AP1S3: variants seen among roughly 807,000 people sequenced by gnomAD.
The protein encoded by AP1S3 is adaptor related protein complex 1 subunit sigma 3.
AP1S3 carries 10 observed loss-of-function variants against 20.9 expected under a neutral mutation model. That is an observed-to-expected ratio of 0.48 (90% CI 0.29 to 0.81). The LOEUF is 0.81. AP1S3 is among the 30% of genes least tolerant of loss of function. AP1S3 has a pLI of 0.08. For missense variants in AP1S3, 154 were observed against 183.8 expected (o/e 0.84, Z 0.94); for synonymous variants, 41 against 61.5 (o/e 0.67, Z 1.56).
At chr2:223,830,224 A>C (rs941120375) in intron 1 of AP1S3, among the ~76,000 whole-genome samples, 18 of 151,912 alleles carry the variant, frequency 1.2e-4, no homozygotes, top group Non-Finnish European at 2.5e-4. Context: ...CACACCTATA[A>C]TCCTAGCACT....
intron 1 of AP1S3, among the ~76,000 whole-genome samples, chr2:223,821,234 C>A (rs1224487187): frequency 6.6e-6 from 1 of 152,220 alleles, no homozygotes; most frequent in Non-Finnish European, 1.5e-5. Context: ...CAGCTCACTG[C>A]AACCTCCACC....
chr2:223,779,955 G>A (rs972838324), intron 1 of AP1S3, among the ~76,000 whole-genome samples: 5 of 151,838 alleles, frequency 3.3e-5, no homozygotes, highest in Admixed American at 6.6e-5. Context: ...CAACAAGAGC[G>A]AAACTCCGTC....
intron 1 of AP1S3, among the ~76,000 whole-genome samples, chr2:223,781,857 G>C (rs951486589): frequency 2.0e-5 from 3 of 151,984 alleles, no homozygotes; most frequent in African/African-American, 7.2e-5. Context: ...TGCATTTCCT[G>C]CTAGAAATTT....
intron 3 of AP1S3, among the ~76,000 whole-genome samples, chr2:223,769,918 G>A (rs1038358254): frequency 7.9e-5 from 12 of 151,642 alleles, no homozygotes; most frequent in African/African-American, 2.9e-4. Flanking sequence ...CTAATTTTTT[G>A]TATTTTTAGT....
rs546123940 is a variant in AP1S3, at chr2:223,771,094, G to A, written c.291+4807C>T. ...TTATGCCTGTAATCCCAGCACTTTG[G>A]GGGGGCTGAGGCGGGCTGATCATTT... On this transcript the variant is annotated intron_variant, in intron 3 of 4. Transcript: ENST00000396654. Among the ~76,000 whole-genome samples the A allele has an allele frequency of 1.1e-4, 17 of 151,964 alleles. No individual in the cohort carries two copies. The South Asian group carries it at 1.7e-3, about 15-fold the overall frequency.
At chr2:223,832,694 C>G (rs1449126905) in intron 1 of AP1S3, among the ~76,000 whole-genome samples, 1 of 152,058 alleles carries the variant, frequency 6.6e-6, no homozygotes, top group Non-Finnish European at 1.5e-5. Context: ...AAAATTGATA[C>G]AGAAGGGGAA....
intron 1 of AP1S3, among the ~76,000 whole-genome samples, chr2:223,833,710 G>A (rs758664724): frequency 1.3e-5 from 2 of 152,164 alleles, no homozygotes; most frequent in Admixed American, 6.5e-5. Flanking sequence ...GGGCACTAGC[G>A]AGGGCCGCCA....
chr2:223,755,772 C>G lies in AP1S3; in HGVS notation c.*2943G>C, dbSNP rs1191827433. ...TCTCGAACTCCTGACCTCAGGTGAT[C>G]TGCCGCCTTGACCTCCCAAAGTGCT... is the stretch of plus-strand genomic sequence containing the variant. On this transcript the variant is annotated 3_prime_UTR_variant, in exon 5 of 5. Coordinates refer to ENST00000396654, the MANE Select transcript of AP1S3 (RefSeq NM_001039569.2). The G allele has an allele frequency of 2.6e-5, 24 of 910,526 alleles. No homozygotes were observed. In the Admixed American group the frequency reaches 1.5e-3, roughly 56 times the overall value. 56.4% of individuals were successfully genotyped at this position (910,526 alleles called of 1,614,324 possible). A position where few individuals can be genotyped will look rare whatever the true frequency, so the allele number is the denominator to read the frequency against.
chr2:223,832,001 C>T (rs1456391948), intron 1 of AP1S3, among the ~76,000 whole-genome samples: 2 of 151,440 alleles, frequency 1.3e-5, no homozygotes, highest in African/African-American at 4.9e-5. Context: ...GGCGTGAACC[C>T]GGGAGGCAGC....
In AP1S3 at chr2:223,758,516, A is replaced by T; in HGVS notation, c.*199T>A. On this transcript the variant is annotated 3_prime_UTR_variant, in exon 5 of 5. Transcript: ENST00000396654. ...CAAGTACCTATACAGTATAACACAG[A>T]CACATAATTTTTTTTAATAATACAG... 7.7e-7 allele frequency: 1 copy of T among 1,292,684 alleles called. No individual in the cohort carries two copies. Among genetic ancestry groups the T allele is most frequent in the South Asian group, 2.8e-5 (1 of 35,380 alleles). 80.1% of individuals were successfully genotyped at this position (1,292,684 alleles called of 1,614,324 possible). A position where few individuals can be genotyped will look rare whatever the true frequency, so the allele number is the denominator to read the frequency against.
chr2:223,823,095 G>A (rs927846780), intron 1 of AP1S3, among the ~76,000 whole-genome samples: 15 of 152,206 alleles, frequency 9.9e-5, no homozygotes, highest in African/African-American at 3.1e-4. Context: ...AAGATAATAA[G>A]TGTTAGCAAG....
Position 223,760,859 on chromosome 2 carries a change from A to C in AP1S3, c.430-2109T>G, listed in dbSNP as rs1005305508. Among the ~76,000 whole-genome samples, 9 of 152,166 alleles carry C rather than the reference A, an allele frequency of 5.9e-5. No homozygotes were observed. In the East Asian group the frequency reaches 1.7e-3, roughly 29 times the overall value. On this transcript the variant is annotated intron_variant, in intron 4 of 4. Coordinates refer to ENST00000396654, the MANE Select transcript of AP1S3 (RefSeq NM_001039569.2). Reference sequence around the variant, plus strand: ...TATTGTATGGCTACGTACTTTTTGCAGTTAAAATATCTTATTTTTGCAAAG... The same window carrying C: ...TATTGTATGGCTACGTACTTTTTGCCGTTAAAATATCTTATTTTTGCAAAG...
intron 1 of AP1S3, among the ~76,000 whole-genome samples, chr2:223,792,667 G>C (rs1229738517): frequency 6.6e-6 from 1 of 152,066 alleles, no homozygotes; most frequent in Non-Finnish European, 1.5e-5. Flanking sequence ...GTCACGAGCA[G>C]ATTTCATGAC....
In AP1S3 at chr2:223,770,726, C is replaced by CTTTTT. The variant is rs1194728092; in HGVS notation, c.291+5174_291+5175insAAAAA. On this transcript the variant is annotated intron_variant, in intron 3 of 4. Transcript: ENST00000396654. ...ATCCAGGAAGACCCTTAGACCAGTT[C>CTTTTT]ATTTTTTTTTTTTTTTTTTTGGAAA... 4.3e-4 allele frequency among the ~76,000 whole-genome samples: 33 copies of CTTTTT among 76,612 alleles called. 3 individuals carry two copies. Among genetic ancestry groups the CTTTTT allele is most frequent in the African/African-American group, 7.1e-4 (8 of 11,314 alleles). The allele number at this position is 76,612 out of a possible 152,430, so 50.3% of individuals were successfully genotyped here. A position where few individuals can be genotyped will look rare whatever the true frequency, so the allele number is the denominator to read the frequency against.
chr2:223,779,018 T>A (rs564558112), intron 1 of AP1S3, among the ~76,000 whole-genome samples: 1 of 152,294 alleles, frequency 6.6e-6, no homozygotes, highest in South Asian at 2.1e-4. Flanking sequence ...AGCTCTTTTC[T>A]CCATTTTGCA....
At chr2:223,807,412 T>C (rs527493490) in intron 1 of AP1S3, among the ~76,000 whole-genome samples, 11 of 152,298 alleles carry the variant, frequency 7.2e-5, no homozygotes, top group African/African-American at 2.6e-4. Flanking sequence ...CTCAATAAAA[T>C]AGGGCTTTGT....
At chr2:223,785,138 C>T (rs991494070) in intron 1 of AP1S3, among the ~76,000 whole-genome samples, 8 of 152,108 alleles carry the variant, frequency 5.3e-5, no homozygotes, top group South Asian at 2.1e-4. Context: ...GTCAGGAGTT[C>T]AAGATCAGCC....
chr2:223,791,868 A>T (rs1691222685), intron 1 of AP1S3, among the ~76,000 whole-genome samples: 22 of 152,202 alleles, frequency 1.4e-4, no homozygotes, highest in Admixed American at 1.4e-3. Context: ...AAAAATCACT[A>T]GCCTGTTGTT....
intron 1 of AP1S3, among the ~76,000 whole-genome samples, chr2:223,831,460 G>A (rs1183030681): frequency 5.9e-5 from 9 of 152,184 alleles, no homozygotes; most frequent in Admixed American, 5.2e-4. Context: ...TAGTCAGGGT[G>A]CTGGCTGGAT....
Sources: allele counts gnomAD v4.1 joint callset (sites outside exome capture counted in the v4.1 genomes callset), GRCh38; gene constraint gnomAD v4.1.1; transcripts MANE v1.5; gene names NCBI Gene and HGNC (gene_info 2026-07-23, HGNC 2026-07-21).